RNF128: variants seen among roughly 807,000 people sequenced by gnomAD.
The protein encoded by RNF128 is ring finger protein 128, also known as E3 ubiquitin-protein ligase RNF128.
A neutral mutation model predicts 26.2 loss-of-function variants in RNF128; 13 were observed. The observed-to-expected ratio is 0.50, with a 90% CI of 0.32 to 0.79. RNF128 has a LOEUF of 0.79. Among genes scored for constraint, RNF128 ranks in the 30% least tolerant of loss-of-function variants. RNF128 has a pLI of 0.03. For synonymous variants in RNF128, 149 were observed against 142.5 expected (o/e 1.05, Z -0.32); for missense variants, 315 against 349.7 (o/e 0.90, Z 0.79).
At chrX:106,792,425 A>C (rs1245628335) in intron 6 of RNF128, among the ~76,000 whole-genome samples, 1 of 110,794 alleles carries the variant, frequency 9.0e-6, no homozygotes, top group African/African-American at 3.3e-5. Context: ...TTGAAAAGCA[A>C]ATGAAATAAT....
At chrX:106,765,547 AG>A (rs1380117230) in intron 1 of RNF128, among the ~76,000 whole-genome samples, 1 of 111,646 alleles carries the variant, frequency 9.0e-6, no homozygotes, top group African/African-American at 3.2e-5. Context: ...AATAGAAAAA[AG>A]GGGCACTCTC....
chrX:106,723,306 C>T (rs946187848), upstream of RNF128, among the ~76,000 whole-genome samples: 1 of 111,617 alleles, frequency 9.0e-6, no homozygotes, highest in African/African-American at 3.3e-5. Context: ...CGGTGGCTCA[C>T]GCCTGTAATC....
chrX:106,795,957 A>G lies in RNF128; in HGVS notation c.*244A>G. The G allele has an allele frequency of 4.9e-6, 1 of 202,897 alleles. No homozygotes were observed. Among genetic ancestry groups the G allele is most frequent in the Non-Finnish European group, 9.0e-6 (1 of 111,479 alleles). 16.7% of individuals were successfully genotyped at this position (202,897 alleles called of 1,213,427 possible). A position where few individuals can be genotyped will look rare whatever the true frequency, so the allele number is the denominator to read the frequency against. ...TCAGTAGTGATAACAACATTTTTAG[A>G]CATTCAAAACTGTCTTCAAGAAGTC... On this transcript the variant is annotated 3_prime_UTR_variant, in exon 7 of 7. Transcript: ENST00000255499.
intron 1 of RNF128, among the ~76,000 whole-genome samples, chrX:106,716,218 A>G (rs955594129): frequency 5.4e-5 from 6 of 111,951 alleles, no homozygotes; most frequent in African/African-American, 1.6e-4. Flanking sequence ...TCCTGCCTCT[A>G]TTCTAGCACA....
intron 1 of RNF128, among the ~76,000 whole-genome samples, chrX:106,699,910 C>A (rs899506575): frequency 8.9e-6 from 1 of 111,905 alleles, no homozygotes; most frequent in African/African-American, 3.2e-5. Context: ...TTTCTTCTAA[C>A]GGGTCTCCCT....
intron 1 of RNF128, among the ~76,000 whole-genome samples, chrX:106,728,588 G>A (rs919094117): frequency 2.7e-5 from 3 of 111,916 alleles, no homozygotes; most frequent in African/African-American, 6.5e-5. Context: ...ACTACTGGAG[G>A]TTTTCTGTTT....
upstream of RNF128, among the ~76,000 whole-genome samples, chrX:106,723,227 T>C (rs1326992107): frequency 8.9e-6 from 1 of 112,371 alleles, no homozygotes; most frequent in Admixed American, 9.4e-5. Context: ...ATATTTGCTT[T>C]ATGTATGTGT....
chrX:106,767,230 G>GT, intron 1 of RNF128, among the ~76,000 whole-genome samples: 1 of 111,711 alleles, frequency 9.0e-6, no homozygotes, highest in African/African-American at 3.3e-5. Context: ...CTTTAAAGTA[G>GT]TTTTTTCCAA....
intron 1 of RNF128, among the ~76,000 whole-genome samples, chrX:106,697,539 T>C (rs1928893108): frequency 1.8e-5 from 2 of 111,865 alleles, no homozygotes; most frequent in Admixed American, 9.5e-5. Flanking sequence ...GTTGTGCAAA[T>C]ATATTCTCTT....
intron 2 of RNF128, among the ~76,000 whole-genome samples, chrX:106,779,348 C>CGTGTGT (rs372716238): frequency 0.032 from 2,899 of 90,052 alleles, 79 homozygotes; most frequent in African/African-American, 0.08. Context: ...TACACAGTTA[C>CGTGTGT]GTGTGTGTGT....
At chrX:106,777,497 C>T (rs900208100) in intron 2 of RNF128, among the ~76,000 whole-genome samples, 1 of 111,487 alleles carries the variant, frequency 9.0e-6, no homozygotes, top group Admixed American at 9.6e-5. Context: ...GCTAACTGAA[C>T]AGTATATACA....
At chrX:106,694,171 G>A in exon 1 of RNF128, 1 of 1,210,793 alleles carries the variant, frequency 8.3e-7, no homozygotes, top group Non-Finnish European at 1.1e-6. Context: ...TTATGGATTA[G>A]CTTCACCAGT....
chrX:106,761,847 G>T (rs1401295426), intron 1 of RNF128, among the ~76,000 whole-genome samples: 1 of 109,020 alleles, frequency 9.2e-6, no homozygotes, highest in Non-Finnish European at 1.9e-5. Context: ...CCTGTCACTT[G>T]GTTTCTAACC....
chrX:106,795,340 G>A (rs1407916158), intron 6 of RNF128, among the ~76,000 whole-genome samples: 1 of 111,267 alleles, frequency 9.0e-6, no homozygotes, highest in Non-Finnish European at 1.9e-5. Context: ...TATAATCTAG[G>A]TAGAAATAAG....
chrX:106,710,140 A>G (rs890591149), intron 1 of RNF128, among the ~76,000 whole-genome samples: 4 of 112,002 alleles, frequency 3.6e-5, no homozygotes, highest in Non-Finnish European at 5.6e-5. Context: ...CTACTGAACT[A>G]TGAAAAAAAT....
At chrX:106,785,159 C>T (rs754955962) in intron 3 of RNF128, 23 bp downstream of exon 3, 1 of 1,095,027 alleles carries the variant, frequency 9.1e-7, no homozygotes, top group Non-Finnish European at 1.2e-6. Context: ...CTTTTAAATG[C>T]TATTTATTTT....
chrX:106,724,589 G>A (rs985475739), upstream of RNF128, among the ~76,000 whole-genome samples: 5 of 111,877 alleles, frequency 4.5e-5, no homozygotes, highest in African/African-American at 1.6e-4. Flanking sequence ...TACTGGGCCT[G>A]TAGTAATTGT....
At position 106,787,900 on chromosome X, in the gene RNF128, A is replaced by T; in HGVS notation, c.805-18A>T. The T allele has an allele frequency of 8.8e-7, 1 of 1,135,287 alleles. No homozygotes were observed. Among genetic ancestry groups the T allele is most frequent in the Non-Finnish European group, 1.2e-6 (1 of 834,727 alleles). 93.6% of individuals were successfully genotyped at this position (1,135,287 alleles called of 1,213,427 possible). A position where few individuals can be genotyped will look rare whatever the true frequency, so the allele number is the denominator to read the frequency against. On this transcript the variant is annotated intron_variant, in intron 3 of 6. Coordinates refer to ENST00000255499, the MANE Select transcript of RNF128 (RefSeq NM_194463.2). ...TTTTTTCTTATCTGTCAGAGTAACA[A>T]TAACTACTTGCTTGTAGGAAATTGG...
intron 4 of RNF128, among the ~76,000 whole-genome samples, chrX:106,789,558 A>G (rs1930781877): frequency 9.9e-6 from 1 of 101,113 alleles, no homozygotes; most frequent in Non-Finnish European, 2.0e-5. Context: ...TATATACTAT[A>G]TAATATTATA....
Sources: gnomAD v4.1 joint callset for allele counts (sites outside exome capture counted in the v4.1 genomes callset) on GRCh38, gnomAD v4.1.1 for gene constraint, MANE v1.5 for transcripts, NCBI Gene and HGNC (gene_info 2026-07-23, HGNC 2026-07-21) for gene names.